EYA3: variants seen among roughly 807,000 people sequenced by gnomAD.
EYA3 encodes EYA transcriptional coactivator and phosphatase 3, also known as protein phosphatase EYA3.
A neutral mutation model predicts 80.0 loss-of-function variants in EYA3; 39 were observed. That is an observed-to-expected ratio of 0.49 (90% CI 0.38 to 0.64). The LOEUF is 0.64. Among genes scored for constraint, EYA3 ranks in the 30% least tolerant of loss-of-function variants. The probability of loss-of-function intolerance (pLI) is 0.00; values close to 1 mark genes in which losing one functional copy is unlikely to be tolerated. For synonymous variants in EYA3, 206 were observed against 232.8 expected, an observed-to-expected ratio of 0.88 and a Z score of 1.05; for missense variants, 523 against 676.1, an observed-to-expected ratio of 0.77 and a Z score of 2.51.
chr1:27,989,403 C>T (rs772450632), intron 15 of EYA3, among the ~76,000 whole-genome samples: 11 of 152,116 alleles, frequency 7.2e-5, no homozygotes, highest in Admixed American at 6.6e-5. Context: ...TATTCTTTGA[C>T]GTCACCAGGT....
chr1:28,050,201 TA>T lies in EYA3; in HGVS notation c.34-1776del, dbSNP rs369686251. ...TTATTATTATTATTATTATTATTATTATTTTTTTTGAGACAGGGTCTTGTTC... is the reference window on the plus strand; with the variant it reads ...TTATTATTATTATTATTATTATTATTTTTTTTTTGAGACAGGGTCTTGTTC... On this transcript the variant is annotated intron_variant, in intron 2 of 17. Coordinates refer to ENST00000373871, the MANE Select transcript of EYA3 (RefSeq NM_001990.4). 5.3e-3 allele frequency among the ~76,000 whole-genome samples: 777 copies of T among 147,132 alleles called. 11 individuals are homozygous for T. The highest frequency in any genetic ancestry group is 0.035 in the Middle Eastern group (10 of 282).
chr1:28,030,643 A>T (rs953302671), intron 6 of EYA3, among the ~76,000 whole-genome samples: 1 of 152,226 alleles, frequency 6.6e-6, no homozygotes, highest in Non-Finnish European at 1.5e-5. Flanking sequence ...CTCATCTATT[A>T]ATCACATGAA....
intron 6 of EYA3, among the ~76,000 whole-genome samples, chr1:28,030,890 G>A (rs1643101940): frequency 6.6e-6 from 1 of 151,954 alleles, no homozygotes; most frequent in African/African-American, 2.4e-5. Context: ...CACACTTTTT[G>A]GTAAACAAAT....
At chr1:28,045,437 T>G (rs1427473041) in intron 3 of EYA3, among the ~76,000 whole-genome samples, 1 of 152,228 alleles carries the variant, frequency 6.6e-6, no homozygotes, top group Non-Finnish European at 1.5e-5. Flanking sequence ...TGGTTAAGTA[T>G]GAGGTTCACT....
intron 5 of EYA3, among the ~76,000 whole-genome samples, chr1:28,037,457 G>A (rs1643519327): frequency 6.6e-6 from 1 of 152,178 alleles, no homozygotes; most frequent in African/African-American, 2.4e-5. Context: ...AAATAGCTCA[G>A]GTTAGAGTTG....
At chr1:28,062,629 G>T (rs1644670613) in intron 1 of EYA3, among the ~76,000 whole-genome samples, 1 of 147,082 alleles carries the variant, frequency 6.8e-6, no homozygotes, top group Non-Finnish European at 1.5e-5. Context: ...AAGCTCTTAG[G>T]CTTAGGAAGA....
At chr1:28,033,922 T>G (rs1364179177) in intron 6 of EYA3, among the ~76,000 whole-genome samples, 1 of 150,594 alleles carries the variant, frequency 6.6e-6, no homozygotes, top group Non-Finnish European at 1.5e-5. Flanking sequence ...GGGCCGGGCG[T>G]GGTGGCTCAT....
At chr1:28,008,578 A>G (rs1641466436) in intron 10 of EYA3, among the ~76,000 whole-genome samples, 1 of 152,140 alleles carries the variant, frequency 6.6e-6, no homozygotes, top group African/African-American at 2.4e-5. Flanking sequence ...GGGATTAATA[A>G]TCTAGAATAT....
At chr1:28,010,727 C>T in intron 10 of EYA3, 1 of 501,710 alleles carries the variant, frequency 2.0e-6, no homozygotes, top group Non-Finnish European at 3.5e-6. Context: ...CCTCTGCTTT[C>T]TGAATATGAT....
chr1:28,051,959 GA>G (rs58492640), intron 2 of EYA3, among the ~76,000 whole-genome samples: 36,606 of 131,496 alleles, frequency 0.28, 4,571 homozygotes, highest in Non-Finnish European at 0.31. Flanking sequence ...AAACAATCTT[GA>G]AAAAAAAAAA....
intron 8 of EYA3, 83 bp downstream of exon 8, chr1:28,017,071 A>G: frequency 8.3e-7 from 1 of 1,210,954 alleles, no homozygotes; most frequent in East Asian, 2.4e-5. Flanking sequence ...GTTGTTTCTT[A>G]GATAGGCAAA....
Position 27,970,777 on chromosome 1 carries a change from T to C in EYA3, c.*3689A>G, listed in dbSNP as rs1638698197. On this transcript the variant is annotated 3_prime_UTR_variant, in exon 18 of 18. Coordinates refer to ENST00000373871, the MANE Select transcript of EYA3 (RefSeq NM_001990.4). ...AGGAAACCAATTTAGTGGTAAGAAA[T>C]AGAAGCCTGCTTAAGAGGGACCCTA... 6.6e-6 allele frequency: 1 copy of C among 152,178 alleles called. No homozygotes were observed. Among genetic ancestry groups the C allele is most frequent in the Admixed American group, 6.5e-5 (1 of 15,272 alleles). The allele number at this position is 152,178 out of a possible 1,614,324, so 9.4% of individuals were successfully genotyped here. A position where few individuals can be genotyped will look rare whatever the true frequency, so the allele number is the denominator to read the frequency against.
At chr1:28,002,072 C>T (rs1385326390) in intron 11 of EYA3, among the ~76,000 whole-genome samples, 5 of 152,086 alleles carry the variant, frequency 3.3e-5, no homozygotes, top group Admixed American at 1.3e-4. Flanking sequence ...TGTGCCACCA[C>T]GCCCAGCTAA....
At chr1:27,976,670 T>C (rs1293552245) in intron 17 of EYA3, among the ~76,000 whole-genome samples, 1 of 151,880 alleles carries the variant, frequency 6.6e-6, no homozygotes, top group Non-Finnish European at 1.5e-5. Context: ...CTTCACAGAG[T>C]ATAGGTTGAA....
chr1:27,984,460 T>C (rs1486795450), intron 16 of EYA3, among the ~76,000 whole-genome samples: 1 of 152,204 alleles, frequency 6.6e-6, no homozygotes, highest in Non-Finnish European at 1.5e-5. Context: ...ACAGATACTC[T>C]TCTATATTTT....
intron 3 of EYA3, among the ~76,000 whole-genome samples, chr1:28,044,076 T>A (rs1643914040): frequency 6.6e-6 from 1 of 152,160 alleles, no homozygotes; most frequent in South Asian, 2.1e-4. Flanking sequence ...GGAGGACAAG[T>A]CATTATGTTA....
chr1:28,046,664 T>C (rs1048448818), intron 3 of EYA3, among the ~76,000 whole-genome samples: 1 of 152,140 alleles, frequency 6.6e-6, no homozygotes, highest in Non-Finnish European at 1.5e-5. Flanking sequence ...GTTAGCACAA[T>C]TTTGTGTTTT....
At chr1:28,014,727 C>CAA (rs60346277) in intron 8 of EYA3, among the ~76,000 whole-genome samples, 91 of 132,584 alleles carry the variant, frequency 6.9e-4, no homozygotes, top group African/African-American at 6.5e-4. Flanking sequence ...GACTCTGTCT[C>CAA]AAAAAAAAAA....
chr1:27,996,524 C>T (rs1223464767), intron 13 of EYA3, among the ~76,000 whole-genome samples: 2 of 152,140 alleles, frequency 1.3e-5, no homozygotes, highest in Non-Finnish European at 2.9e-5. Context: ...CATGTGACAC[C>T]ACAACATGTA....
Sources: gnomAD v4.1 joint callset for allele counts (sites outside exome capture counted in the v4.1 genomes callset) on GRCh38, gnomAD v4.1.1 for gene constraint, MANE v1.5 for transcripts, NCBI Gene and HGNC (gene_info 2026-07-23, HGNC 2026-07-21) for gene names.